Variants in ARSH observed in about 807,000 individuals in gnomAD.
ARSH encodes arylsulfatase family member H, also known as arylsulfatase H.
A neutral mutation model predicts 28.7 loss-of-function variants in ARSH; 32 were observed. The observed-to-expected ratio is 1.11, with a 90% confidence interval of 0.84 to 1.50. The LOEUF (loss-of-function observed/expected upper bound fraction) is 1.50. ARSH is among the 40% of genes most tolerant of loss of function. ARSH has a pLI of 0.00. For synonymous variants in ARSH, 176 were observed against 177.3 expected (o/e 0.99, Z 0.06); for missense variants, 440 against 452.4 (o/e 0.97, Z 0.25).
chrX:3,021,697 A>G (rs1603463485), intron 5 of ARSH, among the ~76,000 whole-genome samples: 1 of 89,422 alleles, frequency 1.1e-5, no homozygotes, highest in African/African-American at 4.3e-5. Flanking sequence ...ATTAAAAAAC[A>G]CTTTTAGTCC....
At chrX:3,028,808 C>T (rs1010329663) in intron 7 of ARSH, among the ~76,000 whole-genome samples, 8 of 110,568 alleles carry the variant, frequency 7.2e-5, no homozygotes, top group East Asian at 5.8e-4. Flanking sequence ...CGCCAGGCGC[C>T]GTGGCTCACG....
chrX:3,030,413 G>A (rs1384017308), intron 8 of ARSH, among the ~76,000 whole-genome samples: 1 of 111,365 alleles, frequency 9.0e-6, no homozygotes, highest in African/African-American at 3.3e-5. Context: ...CATAGGTAGG[G>A]TGTGTTCCTA....
chrX:3,031,606 G>C (rs762725545), intron 8 of ARSH, among the ~76,000 whole-genome samples: 2 of 110,776 alleles, frequency 1.8e-5, no homozygotes, highest in African/African-American at 3.3e-5. Context: ...GATGTGGATA[G>C]TCCCACATAA....
chrX:3,009,032 ATAAAT>A (rs2089838847), intron 1 of ARSH, among the ~76,000 whole-genome samples: 1 of 111,658 alleles, frequency 9.0e-6, no homozygotes, highest in African/African-American at 3.3e-5. Context: ...AAAATGGGAA[ATAAAT>A]TAAACTCCAA....
In ARSH at chrX:3,006,699, A is replaced by G; in HGVS notation, c.87A>G (p.Ser29=). ...ATTTGTGCTGCTACGGTAATAACTC[A>G]GTGAGGTAAAGATGGACTCTGACCC... ...VGDLCCYGNN[S]VSTPNIDRLA... Residue 29 remains serine, a synonymous_variant, in exon 1 of 9, where the codon TCA becomes TCG. Coordinates refer to ENST00000381130, the MANE Select transcript of ARSH (RefSeq NM_001011719.2). 1 of 1,202,805 alleles carries G rather than the reference A, an allele frequency of 8.3e-7. No individual in the cohort carries two copies. The highest frequency in any genetic ancestry group is 1.8e-5 in the South Asian group (1 of 56,528).
At chrX:3,011,554 T>A (rs747210715) in intron 2 of ARSH, among the ~76,000 whole-genome samples, 6 of 111,923 alleles carry the variant, frequency 5.4e-5, no homozygotes, top group East Asian at 5.6e-4. Context: ...CTCTGCCTAA[T>A]TTCAGGGAAT....
At position 3,029,266 on chromosome X, in the gene ARSH, C is replaced by A. The variant is rs1163258443; in HGVS notation, c.1219C>A (p.Leu407Ile). ...CCCAAGAGTGATTGACGGCCAGAAC[C>A]TAATGCCCCTGCTGGAAGGAAGGGC... ...SQDRVIDGQNLMPLLEGRASH... is the reference protein window; with the variant it reads ...SQDRVIDGQNIMPLLEGRASH... Residue 407 changes from leucine to isoleucine, a missense_variant, in exon 8 of 9, where the codon CTA becomes ATA. Transcript: ENST00000381130. 1 of 1,210,289 alleles carries A rather than the reference C, an allele frequency of 8.3e-7. No homozygotes were observed. Among genetic ancestry groups the A allele is most frequent in the Admixed American group, 2.2e-5 (1 of 45,820 alleles).
chrX:3,031,005 T>C (rs2089912485), intron 8 of ARSH, among the ~76,000 whole-genome samples: 1 of 109,743 alleles, frequency 9.1e-6, no homozygotes, highest in Non-Finnish European at 1.9e-5. Flanking sequence ...AAAAAAGAAT[T>C]AGCCAGGTAT....
At chrX:3,010,874 C>T (rs973121773) in intron 2 of ARSH, among the ~76,000 whole-genome samples, 7 of 111,701 alleles carry the variant, frequency 6.3e-5, no homozygotes, top group African/African-American at 2.3e-4. Context: ...AGTATACCTG[C>T]CTTCACAGTT....
intron 8 of ARSH, among the ~76,000 whole-genome samples, chrX:3,029,980 C>G (rs191138830): frequency 8.9e-6 from 1 of 112,247 alleles, no homozygotes; most frequent in Non-Finnish European, 1.9e-5. Context: ...GTGATCCTCT[C>G]TCTTTGGCCT....
At chrX:3,024,817 G>A (rs1462170278) in intron 6 of ARSH, among the ~76,000 whole-genome samples, 1 of 110,736 alleles carries the variant, frequency 9.0e-6, no homozygotes, top group Non-Finnish European at 1.9e-5. Context: ...GAACTCCATG[G>A]CACCCACTCT....
chrX:3,020,804 G>C (rs1487197540), intron 5 of ARSH, among the ~76,000 whole-genome samples: 1 of 110,216 alleles, frequency 9.1e-6, no homozygotes, highest in Admixed American at 9.8e-5. Context: ...TTTGCTGTGG[G>C]ATGTGTATGT....
At chrX:3,023,624 A>G (rs933495275) in intron 5 of ARSH, among the ~76,000 whole-genome samples, 4 of 107,220 alleles carry the variant, frequency 3.7e-5, no homozygotes, top group African/African-American at 1.3e-4. Context: ...ATTTTAATAT[A>G]TAACAATTCT....
At chrX:3,019,221 G>A (rs2089874406) in intron 5 of ARSH, among the ~76,000 whole-genome samples, 1 of 99,498 alleles carries the variant, frequency 1.0e-5, no homozygotes, top group Non-Finnish European at 2.0e-5. Context: ...GCCAAGATGA[G>A]ACCACTGCAC....
intron 5 of ARSH, among the ~76,000 whole-genome samples, chrX:3,020,815 G>C (rs2089881785): frequency 9.1e-6 from 1 of 110,196 alleles, no homozygotes; most frequent in African/African-American, 3.3e-5. Flanking sequence ...ATGTGTATGT[G>C]TGTGTATATA....
intron 5 of ARSH, among the ~76,000 whole-genome samples, chrX:3,020,926 A>G (rs1182898378): frequency 9.0e-6 from 1 of 111,201 alleles, no homozygotes; most frequent in East Asian, 2.8e-4. Context: ...TAAGCTATAT[A>G]CACACACACA....
In ARSH at chrX:3,024,031, G is replaced by A; in HGVS notation, c.912G>A (p.Leu304=). The A allele has an allele frequency of 8.3e-7, 1 of 1,209,853 alleles. No individual in the cohort carries two copies. The highest frequency in any genetic ancestry group is 1.1e-6 in the Non-Finnish European group (1 of 894,866). ...EEMDWMVGKI[L]DALDQERLAN... is the part of the protein sequence containing the mutation. ...TCTGACCCTCTCCAGGTAAAATCCT[G>A]GATGCCCTGGACCAGGAGCGCCTGG... Residue 304 remains leucine (L), a synonymous_variant, in exon 6 of 9, where the codon CTG becomes CTA. Coordinates refer to ENST00000381130, the MANE Select transcript of ARSH (RefSeq NM_001011719.2).
intron 1 of ARSH, among the ~76,000 whole-genome samples, chrX:3,007,750 G>A (rs2089832456): frequency 1.0e-5 from 1 of 99,974 alleles, no homozygotes; most frequent in African/African-American, 3.8e-5. Flanking sequence ...AGAAACAACA[G>A]ACATTGATTC....
At chrX:3,025,068 C>T (rs781746179) in intron 6 of ARSH, among the ~76,000 whole-genome samples, 64 of 108,008 alleles carry the variant, frequency 5.9e-4, no homozygotes, top group Non-Finnish European at 9.9e-4. Context: ...ATAAATTCAC[C>T]GTATTAATTG....
Sources: gnomAD v4.1 joint callset for allele counts (sites outside exome capture counted in the v4.1 genomes callset) on GRCh38, gnomAD v4.1.1 for gene constraint, MANE v1.5 for transcripts, NCBI Gene and HGNC (gene_info 2026-07-23, HGNC 2026-07-21) for gene names.